RNF220: variants seen among roughly 807,000 people sequenced by gnomAD.
RNF220 encodes E3 ubiquitin-protein ligase RNF220.
In RNF220, 7 loss-of-function variants were observed where a neutral mutation model predicts 67.1. That is an observed-to-expected ratio of 0.10 (90% CI 0.06 to 0.20). The LOEUF (loss-of-function observed/expected upper bound fraction) is 0.20, where lower values mean the gene tolerates loss of function less well. Among genes scored for constraint, RNF220 ranks in the 10% least tolerant of loss-of-function variants. The pLI, the probability that RNF220 is intolerant of heterozygous loss-of-function variation, is 1.00. For missense variants in RNF220, 565 were observed against 740.3 expected, an observed-to-expected ratio of 0.76 and a Z score of 2.75; for synonymous variants, 270 against 283.2, an observed-to-expected ratio of 0.95 and a Z score of 0.47.
chr1:44,597,934 C>T (rs11582493), intron 2 of RNF220, among the ~76,000 whole-genome samples: 31,448 of 148,926 alleles, frequency 0.21, 3,835 homozygotes, highest in Middle Eastern at 0.4. Context: ...CATACAACCC[C>T]CCACTGTCTC....
intron 2 of RNF220, among the ~76,000 whole-genome samples, chr1:44,460,129 C>T (rs1653617983): frequency 6.6e-6 from 1 of 152,200 alleles, no homozygotes; most frequent in African/African-American, 2.4e-5. Context: ...GCAGAACACC[C>T]ACCTCATCGT....
At chr1:44,503,937 C>A (rs924314315) in intron 2 of RNF220, among the ~76,000 whole-genome samples, 3 of 152,130 alleles carry the variant, frequency 2.0e-5, no homozygotes, top group Admixed American at 6.5e-5. Flanking sequence ...ACAACCTCCA[C>A]GTCTTGGGTT....
At chr1:44,513,298 G>A (rs996857354) in intron 2 of RNF220, among the ~76,000 whole-genome samples, 3 of 152,280 alleles carry the variant, frequency 2.0e-5, no homozygotes, top group African/African-American at 4.8e-5. Context: ...AGGGTGTGGC[G>A]TCCCTGGGGT....
intron 3 of RNF220, among the ~76,000 whole-genome samples, chr1:44,614,607 A>G (rs1337748666): frequency 6.6e-6 from 1 of 152,240 alleles, no homozygotes; most frequent in East Asian, 1.9e-4. Context: ...GTTGAGCCTC[A>G]GAGCAGAATA....
intron 2 of RNF220, among the ~76,000 whole-genome samples, chr1:44,541,681 TC>T (rs1185021692): frequency 6.6e-6 from 1 of 152,200 alleles, no homozygotes; most frequent in Non-Finnish European, 1.5e-5. Flanking sequence ...ATCACCATGT[TC>T]CTGTTGGAAG....
rs555407682 is a variant in RNF220, at chr1:44,568,391, C to T, written c.626-45774C>T. ...TATCTGTGCACCGATGCTTGTCTTT[C>T]CCACCTGTGACCTTGAGCACCCTGA... On this transcript the variant is annotated intron_variant, in intron 2 of 14. Transcript: ENST00000361799. Among the ~76,000 whole-genome samples, 3 of 152,312 alleles carry T rather than the reference C, an allele frequency of 2.0e-5. No individual in the cohort carries two copies. In the East Asian group the frequency reaches 5.8e-4, roughly 29 times the overall value.
At chr1:44,508,186 G>A (rs1283184765) in intron 2 of RNF220, among the ~76,000 whole-genome samples, 1 of 151,804 alleles carries the variant, frequency 6.6e-6, no homozygotes. Flanking sequence ...GGTTGGGCGG[G>A]GGTGGGGAGC....
intron 2 of RNF220, among the ~76,000 whole-genome samples, chr1:44,515,119 G>A (rs1231708306): frequency 6.6e-6 from 1 of 152,218 alleles, no homozygotes; most frequent in African/African-American, 2.4e-5. Context: ...GCTATCAGCA[G>A]CAGGGACCAA....
chr1:44,541,678 T>C (rs1409839583), intron 2 of RNF220, among the ~76,000 whole-genome samples: 1 of 152,204 alleles, frequency 6.6e-6, no homozygotes, highest in Non-Finnish European at 1.5e-5. Context: ...GTCATCACCA[T>C]GTTCCTGTTG....
intron 2 of RNF220, among the ~76,000 whole-genome samples, chr1:44,554,761 G>A (rs904819458): frequency 2.0e-5 from 3 of 152,112 alleles, no homozygotes; most frequent in Non-Finnish European, 4.4e-5. Context: ...ATAGCAAGCA[G>A]GTAGAAGGCA....
At chr1:44,644,972 A>G (rs1422532038) in intron 9 of RNF220, 23 bp from the exon 10 acceptor site, 4 of 1,612,952 alleles carry the variant, frequency 2.5e-6, no homozygotes, top group East Asian at 2.2e-5. Flanking sequence ...ACTAGGATCC[A>G]TTGTCCTTGA....
intron 8 of RNF220, among the ~76,000 whole-genome samples, chr1:44,637,200 C>T (rs1644355058): frequency 2.0e-5 from 3 of 152,234 alleles, no homozygotes; most frequent in South Asian, 4.1e-4. Context: ...TCTGCAGGGC[C>T]GTCCAGTGCA....
chr1:44,635,790 G>A, intron 7 of RNF220: 1 of 1,347,850 alleles, frequency 7.4e-7, no homozygotes. Flanking sequence ...CTTCCCTTCT[G>A]ACCACTGCTC....
chr1:44,525,564 T>C (rs1660305473), intron 2 of RNF220, among the ~76,000 whole-genome samples: 1 of 152,220 alleles, frequency 6.6e-6, no homozygotes, highest in Non-Finnish European at 1.5e-5. Context: ...ACTGTCCACA[T>C]GTGTTCCTTC....
rs1309547857 is a variant in RNF220 at position 44,624,094 on chromosome 1, T to C, written c.804+1307T>C. On this transcript the variant is annotated intron_variant, in intron 4 of 14. Transcript: ENST00000361799. This position sits in a 1 kb window ranked among gnomAD's most constrained non-coding sequence, Gnocchi z 4.2. ...GCTGGGAGAGGAGGAGCAGAGCACC[T>C]AGCCCTGCCTTGGGTGGGTATAGGC... Among the ~76,000 whole-genome samples the C allele has an allele frequency of 9.2e-5, 14 of 152,202 alleles. No homozygotes were observed. Among genetic ancestry groups the C allele is most frequent in the Admixed American group, 9.2e-4 (14 of 15,290 alleles).
chr1:44,455,806 G>A lies in RNF220; in HGVS notation c.625+43084G>A, dbSNP rs115342696. ...ACACAGATTGTTTTGGAATAAACAC[G>A]GGAACTTAGTGAAGATCAAGGGTGA... On this transcript the variant is annotated intron_variant, in intron 2 of 14. Transcript: ENST00000361799. Among the ~76,000 whole-genome samples the A allele has an allele frequency of 6.3e-3, 965 of 152,218 alleles. 11 individuals are homozygous for A. The highest frequency in any genetic ancestry group is 0.022 in the African/African-American group (899 of 41,540).
intron 2 of RNF220, among the ~76,000 whole-genome samples, chr1:44,464,813 G>A (rs538179020): frequency 3.5e-4 from 54 of 152,120 alleles, no homozygotes; most frequent in Non-Finnish European, 5.7e-4. Flanking sequence ...CTAGATTGCC[G>A]CTATAGCCTA....
At chr1:44,410,737 C>A (rs144123521) in intron 1 of RNF220, 4 of 152,298 alleles carry the variant, frequency 2.6e-5, no homozygotes, top group African/African-American at 7.2e-5. Context: ...ATATGACTCT[C>A]AATTTAAAGG....
At chr1:44,640,634 GAC>G (rs1269763217) in intron 8 of RNF220, among the ~76,000 whole-genome samples, 3 of 152,182 alleles carry the variant, frequency 2.0e-5, no homozygotes, top group Non-Finnish European at 4.4e-5. Context: ...AAGTGCGTTT[GAC>G]ACACGCCAAC....
Sources: gnomAD v4.1 joint callset for allele counts (sites outside exome capture counted in the v4.1 genomes callset) on GRCh38, gnomAD v4.1.1 for gene constraint, Gnocchi (gnomAD v3.1) non-coding constraint, MANE v1.5 for transcripts, NCBI Gene and HGNC (gene_info 2026-07-23, HGNC 2026-07-21) for gene names.